Variants in KANK1 observed in about 807,000 individuals in gnomAD.
The protein encoded by KANK1 is KN motif and ankyrin repeat domain-containing protein 1.
In KANK1, 109 loss-of-function variants were observed where a neutral mutation model predicts 106.2. The ratio of observed to expected loss-of-function variants is 1.03; its 90% CI spans 0.88 to 1.20. The LOEUF (loss-of-function observed/expected upper bound fraction) is 1.20. Ranked by LOEUF, KANK1 falls within the 50% of genes most tolerant of loss-of-function variation. The pLI is 0.00. For synonymous variants in KANK1, 873 were observed against 652.2 expected (o/e 1.34, Z -5.16); for missense variants, 2,399 against 1,710.7 (o/e 1.40, Z -7.10).
At chr9:744,302 G>A (rs1296951399) in intron 10 of KANK1, among the ~76,000 whole-genome samples, 189 bp from the exon 11 acceptor site, 1 of 152,192 alleles carries the variant, frequency 6.6e-6, no homozygotes, top group Non-Finnish European at 1.5e-5. Flanking sequence ...GTGGAGGCTT[G>A]CCTCATTCAT....
intron 1 of KANK1, among the ~76,000 whole-genome samples, chr9:630,241 C>G (rs1193216059): frequency 1.3e-5 from 2 of 149,276 alleles, no homozygotes; most frequent in East Asian, 4.0e-4. Context: ...GAGCGAGACT[C>G]TGTCTTAAAA....
chr9:624,001 G>A (rs186010566), intron 1 of KANK1, among the ~76,000 whole-genome samples: 1 of 152,252 alleles, frequency 6.6e-6, no homozygotes, highest in East Asian at 1.9e-4. Flanking sequence ...CTTAGGAATG[G>A]TTAAAGAAAA....
chr9:653,403 T>A (rs1841364015), intron 1 of KANK1, among the ~76,000 whole-genome samples: 1 of 152,046 alleles, frequency 6.6e-6, no homozygotes, highest in African/African-American at 2.4e-5. Flanking sequence ...GAGCAAAAGG[T>A]TTCCAGGTAA....
intron 10 of KANK1, among the ~76,000 whole-genome samples, chr9:744,209 T>A (rs934133341): frequency 1.3e-5 from 2 of 150,028 alleles, no homozygotes; most frequent in African/African-American, 4.9e-5. Context: ...AAAAAAAAAC[T>A]TTCTATCCCC....
intron 3 of KANK1, among the ~76,000 whole-genome samples, chr9:723,742 C>T (rs1401372145): frequency 1.3e-5 from 2 of 151,944 alleles, no homozygotes; most frequent in Non-Finnish European, 2.9e-5. Context: ...TAATAGCAAC[C>T]AATGGAAATA....
chr9:581,900 C>T (rs1159111703), intron 1 of KANK1, among the ~76,000 whole-genome samples: 1 of 152,128 alleles, frequency 6.6e-6, no homozygotes, highest in African/African-American at 2.4e-5. Flanking sequence ...GCAGGTATGG[C>T]CATCTGCCAC....
At chr9:532,133 A>G (rs1389957152) in intron 1 of KANK1, among the ~76,000 whole-genome samples, 2 of 152,204 alleles carry the variant, frequency 1.3e-5, no homozygotes, top group Middle Eastern at 3.2e-3. Context: ...GGATGACTCT[A>G]AAGGGGACTT....
chr9:726,549 GA>G (rs1266904128), intron 3 of KANK1, among the ~76,000 whole-genome samples: 3 of 151,962 alleles, frequency 2.0e-5, no homozygotes, highest in African/African-American at 7.3e-5. Context: ...TGAGGCAGGA[GA>G]ATCGCTTAAA....
intron 1 of KANK1, among the ~76,000 whole-genome samples, chr9:537,234 A>G (rs1407169362): frequency 6.6e-6 from 1 of 152,126 alleles, no homozygotes; most frequent in African/African-American, 2.4e-5. Context: ...TGCGTGGGAA[A>G]ATTGGACCCC....
intron 1 of KANK1, among the ~76,000 whole-genome samples, chr9:623,889 A>G (rs1355076224): frequency 6.6e-6 from 1 of 152,214 alleles, no homozygotes; most frequent in African/African-American, 2.4e-5. Context: ...ATATGTTTAA[A>G]AGACATCAAA....
At chr9:516,093 A>G (rs2059266337) in intron 1 of KANK1, among the ~76,000 whole-genome samples, 1 of 151,582 alleles carries the variant, frequency 6.6e-6, no homozygotes, top group East Asian at 1.9e-4. Flanking sequence ...TGTATTGCTG[A>G]TCAGGGGACA....
intron 1 of KANK1, among the ~76,000 whole-genome samples, chr9:626,886 C>G (rs1416709496): frequency 6.6e-6 from 1 of 152,190 alleles, no homozygotes; most frequent in East Asian, 1.9e-4. Context: ...GTGTGTTAAA[C>G]CAGATAGAAG....
At chr9:622,985 G>C (rs746009330) in intron 1 of KANK1, among the ~76,000 whole-genome samples, 2 of 152,120 alleles carry the variant, frequency 1.3e-5, no homozygotes, top group African/African-American at 2.4e-5. Flanking sequence ...AAAGCTTCTT[G>C]ACATTGGCCT....
intron 2 of KANK1, among the ~76,000 whole-genome samples, chr9:697,676 T>C (rs908945398): frequency 2.6e-5 from 4 of 152,230 alleles, no homozygotes; most frequent in African/African-American, 9.6e-5. Context: ...TTCCTACATA[T>C]TTATTATAGC....
At chr9:483,825 A>G (rs1177225143) in intron 3 of KANK1, among the ~76,000 whole-genome samples, 2 of 152,198 alleles carry the variant, frequency 1.3e-5, no homozygotes, top group Admixed American at 6.5e-5. Flanking sequence ...ATGTAAATGC[A>G]AAGGCCTTTC....
chr9:719,028 C>T (rs1828561206), intron 3 of KANK1, among the ~76,000 whole-genome samples: 1 of 138,010 alleles, frequency 7.2e-6, no homozygotes, highest in African/African-American at 2.7e-5. Flanking sequence ...GGTGCAATCT[C>T]AGCTCATCGC....
intron 1 of KANK1, among the ~76,000 whole-genome samples, chr9:645,945 A>C (rs572553667): frequency 6.2e-4 from 94 of 151,150 alleles, no homozygotes; most frequent in South Asian, 4.1e-3. Flanking sequence ...TAAAAGATTT[A>C]TTTCAACAAA....
At chr9:529,390 G>A (rs990089742) in intron 1 of KANK1, among the ~76,000 whole-genome samples, 2 of 151,438 alleles carry the variant, frequency 1.3e-5, no homozygotes, top group Non-Finnish European at 2.9e-5. Flanking sequence ...CAGTAGAGAT[G>A]GGCTTTCACC....
At chr9:685,998 C>T (rs1818465671) in intron 2 of KANK1, among the ~76,000 whole-genome samples, 1 of 150,268 alleles carries the variant, frequency 6.7e-6, no homozygotes, top group Non-Finnish European at 1.5e-5. Flanking sequence ...ACAGCAGGTA[C>T]ATTTAAGACT....
Sources: allele counts gnomAD v4.1 joint callset (sites outside exome capture counted in the v4.1 genomes callset), GRCh38; gene constraint gnomAD v4.1.1; transcripts MANE v1.5; gene names NCBI Gene and HGNC (gene_info 2026-07-23, HGNC 2026-07-21).